TTC39C: variants seen among roughly 807,000 people sequenced by gnomAD.
TTC39C encodes tetratricopeptide repeat protein 39C.
Under a neutral mutation model 76.3 loss-of-function variants are expected in TTC39C, and 33 were observed. That is an observed-to-expected ratio of 0.43 (90% confidence interval 0.33 to 0.58). The LOEUF (loss-of-function observed/expected upper bound fraction) is 0.58. Ranked by LOEUF, TTC39C falls within the 20% of genes least tolerant of loss-of-function variation. The pLI, the probability that TTC39C is intolerant of heterozygous loss-of-function variation, is 0.04. For missense variants in TTC39C, 595 were observed against 701.4 expected (o/e 0.85, Z 1.71); for synonymous variants, 254 against 260.6 (o/e 0.97, Z 0.24).
chr18:24,015,330 A>AT, intron 1 of TTC39C: 1 of 279,506 alleles, frequency 3.6e-6, no homozygotes, highest in South Asian at 1.1e-4. Context: ...CCTCCCACAG[A>AT]CGTGCCCGGT....
intron 6 of TTC39C, among the ~76,000 whole-genome samples, chr18:24,087,016 A>G (rs937004147): frequency 6.6e-6 from 1 of 152,088 alleles, no homozygotes; most frequent in Non-Finnish European, 1.5e-5. Context: ...GGGTGTAGCT[A>G]TAGGAGATGT....
intron 1 of TTC39C, among the ~76,000 whole-genome samples, chr18:24,007,650 C>A (rs2083364826): frequency 6.6e-6 from 1 of 152,218 alleles, no homozygotes; most frequent in South Asian, 2.1e-4. Flanking sequence ...TCCCAAAGTG[C>A]TGGGATTACA....
intron 6 of TTC39C, among the ~76,000 whole-genome samples, chr18:24,112,937 C>T (rs1266569922): frequency 6.6e-6 from 1 of 152,162 alleles, no homozygotes; most frequent in Non-Finnish European, 1.5e-5. Flanking sequence ...TGCACACATT[C>T]CTGCGCCATA....
intron 1 of TTC39C, among the ~76,000 whole-genome samples, chr18:24,017,794 A>G (rs2083471642): frequency 6.6e-6 from 1 of 152,190 alleles, no homozygotes. Flanking sequence ...ATTGTTTATC[A>G]CAGGGGGACA....
upstream of TTC39C, among the ~76,000 whole-genome samples, chr18:24,011,912 T>C (rs1162907038): frequency 3.3e-5 from 5 of 152,244 alleles, no homozygotes; most frequent in East Asian, 9.6e-4. Context: ...TGCAGGAAGG[T>C]GCTGAGAATC....
In TTC39C at chr18:24,014,881, T is replaced by C; in HGVS notation, c.10T>C (p.Ser4Pro). 17 of 1,418,700 alleles carry C rather than the reference T, an allele frequency of 1.2e-5. No homozygotes were observed. Among genetic ancestry groups the C allele is most frequent in the Non-Finnish European group, 1.6e-5 (17 of 1,089,008 alleles). The allele number at this position is 1,418,700 out of a possible 1,614,324, so 87.9% of individuals were successfully genotyped here. MAGSEQQRPRRRDD... is the reference protein window; with the variant it reads MAGPEQQRPRRRDD... ...AGGGCCTCGCACGCCCATGGCCGGCTCGGAGCAGCAGCGGCCGCGGCGGCG... is the reference window on the plus strand; with the variant it reads ...AGGGCCTCGCACGCCCATGGCCGGCCCGGAGCAGCAGCGGCCGCGGCGGCG... Residue 4 changes from serine (S) to proline (P), a missense_variant, in exon 1 of 14, where the codon TCG becomes CCG. Transcript: ENST00000317571.
intron 6 of TTC39C, chr18:24,099,450 G>T (rs1170710622): frequency 6.6e-6 from 1 of 151,884 alleles, no homozygotes. Context: ...TCCAGTGAGG[G>T]TTAGGATTTC....
At chr18:24,045,873 G>C (rs1479240837) in intron 1 of TTC39C, among the ~76,000 whole-genome samples, 2 of 124,192 alleles carry the variant, frequency 1.6e-5, no homozygotes, top group East Asian at 4.9e-4. Context: ...TAACATTTTA[G>C]GGTACTTCCT....
Position 24,022,551 on chromosome 18 carries a change from G to A in TTC39C, c.167+7513G>A, listed in dbSNP as rs193033460. The A allele has an allele frequency of 1.2e-4, 118 of 985,310 alleles. 2 individuals carry two copies. In the African/African-American group the frequency reaches 1.7e-3, roughly 14 times the overall value. 61.0% of individuals were successfully genotyped at this position (985,310 alleles called of 1,614,324 possible). A position where few individuals can be genotyped will look rare whatever the true frequency, so the allele number is the denominator to read the frequency against. ...CTACCTCTCTTACAGAACTTCTACA[G>A]TAAAAGGATTCACATGTGTCCTGTC... On this transcript the variant is annotated intron_variant, in intron 1 of 13. Coordinates refer to ENST00000317571, the MANE Select transcript of TTC39C (RefSeq NM_001135993.2).
intron 1 of TTC39C, among the ~76,000 whole-genome samples, chr18:24,059,513 G>T (rs1188207876): frequency 2.6e-5 from 4 of 152,246 alleles, no homozygotes; most frequent in South Asian, 4.1e-4. Flanking sequence ...ATGGCCTCCA[G>T]CTCTATCTGT....
At chr18:24,025,782 A>C (rs542740877) in intron 1 of TTC39C, among the ~76,000 whole-genome samples, 3 of 152,284 alleles carry the variant, frequency 2.0e-5, no homozygotes, top group Admixed American at 6.5e-5. Context: ...CTGTGGCTGA[A>C]TCCCCTAGCC....
At chr18:24,118,729 T>G (rs994825155) in intron 8 of TTC39C, among the ~76,000 whole-genome samples, 2 of 151,998 alleles carry the variant, frequency 1.3e-5, no homozygotes, top group African/African-American at 2.4e-5. Context: ...CACAGCTCAC[T>G]ATAGCCTCAA....
chr18:24,067,399 A>G (rs1347434683), intron 3 of TTC39C, among the ~76,000 whole-genome samples: 1 of 152,140 alleles, frequency 6.6e-6, no homozygotes, highest in Non-Finnish European at 1.5e-5. Flanking sequence ...TCTTTAATGT[A>G]GGGGTCCCCA....
At chr18:24,033,781 AGAGT>A (rs2083702068) in intron 1 of TTC39C, among the ~76,000 whole-genome samples, 1 of 152,248 alleles carries the variant, frequency 6.6e-6, no homozygotes, top group Non-Finnish European at 1.5e-5. Context: ...GACTTCTTTC[AGAGT>A]CTGTCTGTGA....
chr18:24,101,436 G>A (rs555199636), intron 6 of TTC39C, among the ~76,000 whole-genome samples: 16 of 152,022 alleles, frequency 1.1e-4, no homozygotes, highest in Admixed American at 2.6e-4. Flanking sequence ...GGGAAACCCC[G>A]TCTCTACTAA....
At chr18:24,095,416 C>T (rs2084576535) in intron 6 of TTC39C, among the ~76,000 whole-genome samples, 1 of 152,174 alleles carries the variant, frequency 6.6e-6, no homozygotes, top group African/African-American at 2.4e-5. Context: ...AAGAACTTTT[C>T]AGCTGGGCGC....
chr18:24,017,888 T>G (rs533500457), intron 1 of TTC39C, among the ~76,000 whole-genome samples: 4 of 152,354 alleles, frequency 2.6e-5, no homozygotes, highest in African/African-American at 9.6e-5. Context: ...TGTAACAATA[T>G]TTTTTATTAA....
intron 2 of TTC39C, among the ~76,000 whole-genome samples, chr18:24,065,032 C>CA (rs2084148884): frequency 6.6e-6 from 1 of 152,158 alleles, no homozygotes; most frequent in African/African-American, 2.4e-5. Flanking sequence ...CATTAGTACC[C>CA]AAGTGATAAC....
chr18:24,125,190 C>CCCCA (rs1339589520), intron 9 of TTC39C, among the ~76,000 whole-genome samples: 1 of 152,178 alleles, frequency 6.6e-6, no homozygotes, highest in African/African-American at 2.4e-5. Flanking sequence ...CCATGCCTGG[C>CCCCA]CCCACCCTGC....
Sources: gnomAD v4.1 joint callset for allele counts (sites outside exome capture counted in the v4.1 genomes callset) on GRCh38, gnomAD v4.1.1 for gene constraint, MANE v1.5 for transcripts, NCBI Gene and HGNC (gene_info 2026-07-23, HGNC 2026-07-21) for gene names.